Variants in ERC1 observed in about 807,000 individuals in gnomAD.
The protein encoded by ERC1 is RAB6 interacting protein 2.
ERC1 carries 56 observed loss-of-function variants against 132.0 expected under a neutral mutation model. The observed-to-expected ratio is 0.42, with a 90% CI of 0.34 to 0.53. The LOEUF (loss-of-function observed/expected upper bound fraction) is 0.53, where lower values mean the gene tolerates loss of function less well. Ranked by LOEUF, ERC1 falls within the 20% of genes least tolerant of loss-of-function variation. ERC1 has a pLI of 0.03. For missense variants in ERC1, 1,202 were observed against 1,349.9 expected (o/e 0.89, Z 1.72); for synonymous variants, 478 against 476.1 (o/e 1.00, Z -0.05).
intron 3 of ERC1, among the ~76,000 whole-genome samples, chr12:1,102,476 T>C (rs1944776486): frequency 1.3e-5 from 2 of 152,128 alleles, no homozygotes; most frequent in African/African-American, 4.8e-5. Flanking sequence ...ATGTAAGCTG[T>C]GTAGCATGCT....
intron 15 of ERC1, among the ~76,000 whole-genome samples, chr12:1,331,865 G>C (rs975211687): frequency 1.3e-5 from 2 of 152,124 alleles, no homozygotes; most frequent in African/African-American, 2.4e-5. Flanking sequence ...TAGCTTTCTA[G>C]ATCTCTCCTT....
intron 2 of ERC1, among the ~76,000 whole-genome samples, chr12:1,064,019 C>T (rs1206524334): frequency 6.6e-6 from 1 of 152,094 alleles, no homozygotes; most frequent in Admixed American, 6.6e-5. Flanking sequence ...TTTATTTCTC[C>T]TTCATTTCTG....
intron 3 of ERC1, among the ~76,000 whole-genome samples, chr12:1,104,405 A>T (rs1244804118): frequency 1.3e-5 from 2 of 152,120 alleles, no homozygotes; most frequent in African/African-American, 4.8e-5. Flanking sequence ...CCCATTTTGG[A>T]TCATTTGGAA....
intron 7 of ERC1, among the ~76,000 whole-genome samples, chr12:1,125,860 C>G (rs914052958): frequency 3.3e-5 from 5 of 152,142 alleles, no homozygotes; most frequent in Non-Finnish European, 7.4e-5. Context: ...TTTAGGAATT[C>G]ATTTTATTTT....
chr12:990,391 C>A (rs568366591), upstream of ERC1: 3 of 152,268 alleles, frequency 2.0e-5, no homozygotes, highest in East Asian at 5.8e-4. Flanking sequence ...AAAACCAAAG[C>A]CGGCTGCGAG....
intron 18 of ERC1, among the ~76,000 whole-genome samples, chr12:1,459,648 G>A (rs2093608109): frequency 6.6e-6 from 1 of 152,182 alleles, no homozygotes; most frequent in African/African-American, 2.4e-5. Context: ...ACCAGGTGAA[G>A]GTTGACTAAG....
intron 7 of ERC1, among the ~76,000 whole-genome samples, chr12:1,129,887 T>C (rs1275536223): frequency 6.6e-6 from 1 of 151,930 alleles, no homozygotes; most frequent in Non-Finnish European, 1.5e-5. Context: ...GAAACTAATC[T>C]AATATCAATA....
chr12:1,168,745 C>T (rs1180007066), intron 8 of ERC1, among the ~76,000 whole-genome samples: 1 of 152,020 alleles, frequency 6.6e-6, no homozygotes, highest in African/African-American at 2.4e-5. Context: ...CCTCGGCCTC[C>T]CAAAGTGCTG....
At chr12:1,283,751 T>C (rs76069663) in intron 14 of ERC1, among the ~76,000 whole-genome samples, 3,903 of 152,292 alleles carry the variant, frequency 0.026, 72 homozygotes, top group South Asian at 0.079. Context: ...CAGATAAAAA[T>C]CTGAAAGGTA....
intron 1 of ERC1, among the ~76,000 whole-genome samples, chr12:999,913 A>T (rs1961856002): frequency 6.6e-6 from 1 of 152,044 alleles, no homozygotes; most frequent in South Asian, 2.1e-4. Flanking sequence ...GATTTTTAAG[A>T]TTCCTTCCAA....
chr12:1,240,017 G>A lies in ERC1; in HGVS notation c.2487+3113G>A, dbSNP rs138291878. 9.8e-5 allele frequency among the ~76,000 whole-genome samples: 15 copies of A among 152,288 alleles called. No individual in the cohort carries two copies. The East Asian group carries it at 1.9e-3, about 20-fold the overall frequency. On this transcript the variant is annotated intron_variant, in intron 13 of 18. Coordinates refer to ENST00000360905, the MANE Select transcript of ERC1 (RefSeq NM_178040.4). Reference sequence around the variant, plus strand: ...AAATCACTGCGCTATAGCATCATGCGATATGAAAAATTAAGAACCTATCAA... The same window carrying A: ...AAATCACTGCGCTATAGCATCATGCAATATGAAAAATTAAGAACCTATCAA...
intron 16 of ERC1, among the ~76,000 whole-genome samples, chr12:1,375,556 C>A (rs2154375982): frequency 6.6e-6 from 1 of 152,242 alleles, no homozygotes; most frequent in Admixed American, 6.5e-5. Flanking sequence ...TACCCATTCA[C>A]TTCAGATTTA....
chr12:1,013,115 A>G (rs907955329), intron 1 of ERC1, among the ~76,000 whole-genome samples: 3 of 152,218 alleles, frequency 2.0e-5, no homozygotes, highest in Non-Finnish European at 4.4e-5. Flanking sequence ...TATGAGATGT[A>G]TAAAATGCAA....
chr12:1,154,255 A>ATATGTATATGTG (rs1555273213), intron 8 of ERC1, among the ~76,000 whole-genome samples: 3 of 147,886 alleles, frequency 2.0e-5, no homozygotes, highest in African/African-American at 7.5e-5. Context: ...ATGTATATGT[A>ATATGTATATGTG]TATGTGTATA....
chr12:1,438,972 A>ATATATATATATATATATATATAT (rs1246217572), intron 17 of ERC1, among the ~76,000 whole-genome samples: 1 of 143,922 alleles, frequency 6.9e-6, no homozygotes, highest in African/African-American at 2.8e-5. Flanking sequence ...TATATATATA[A>ATATATATATATATATATATATAT]AAAATGACAT....
At chr12:1,411,525 G>T (rs538980351) in intron 17 of ERC1, among the ~76,000 whole-genome samples, 1 of 152,094 alleles carries the variant, frequency 6.6e-6, no homozygotes, top group African/African-American at 2.4e-5. Flanking sequence ...TATCCTGAGG[G>T]CATGAATGAA....
At chr12:1,220,797 A>T (rs1186403141) in intron 12 of ERC1, among the ~76,000 whole-genome samples, 1 of 152,196 alleles carries the variant, frequency 6.6e-6, no homozygotes, top group Non-Finnish European at 1.5e-5. Context: ...AAGTTTGCTA[A>T]CCCTTGCTGG....
intron 14 of ERC1, among the ~76,000 whole-genome samples, chr12:1,280,693 C>G (rs1005284058): frequency 6.6e-6 from 1 of 152,140 alleles, no homozygotes; most frequent in African/African-American, 2.4e-5. Flanking sequence ...TTATTATGGC[C>G]AAAATCACAC....
intron 14 of ERC1, among the ~76,000 whole-genome samples, chr12:1,275,367 A>G (rs139170920): frequency 6.6e-6 from 1 of 152,158 alleles, no homozygotes; most frequent in Non-Finnish European, 1.5e-5. Context: ...GCACGCCTGT[A>G]GTCCCAGCTA....
Sources: allele counts gnomAD v4.1 joint callset (sites outside exome capture counted in the v4.1 genomes callset), GRCh38; gene constraint gnomAD v4.1.1; transcripts MANE v1.5; gene names NCBI Gene and HGNC (gene_info 2026-07-23, HGNC 2026-07-21).